Variants in KIAA1210 observed in about 807,000 individuals in gnomAD.
KIAA1210 encodes KIAA1210, also known as acrosomal protein KIAA1210.
Under a neutral mutation model 78.9 loss-of-function variants are expected in KIAA1210, and 48 were observed. The observed-to-expected ratio is 0.61, with a 90% CI of 0.48 to 0.77. The LOEUF is 0.77. Among genes scored for constraint, KIAA1210 ranks in the 30% least tolerant of loss-of-function variants. The pLI, the probability that KIAA1210 is intolerant of heterozygous loss-of-function variation, is 0.00. For synonymous variants in KIAA1210, 406 were observed against 404.5 expected (o/e 1.00, Z -0.04); for missense variants, 1,108 against 1,100.0 (o/e 1.01, Z -0.10).
In KIAA1210 at chrX:119,085,378, C is replaced by G. The variant is rs1301463217; in HGVS notation, c.4320+5G>C. 1 of 1,207,182 alleles carries G rather than the reference C, an allele frequency of 8.3e-7. No homozygotes were observed. On this transcript the variant is annotated splice_donor_5th_base_variant and intron_variant, in intron 10 of 11. Transcript: ENST00000691062. ...GAGTGTTTTATTGGCTACCCCAGGT[C>G]CTACCTCATATTTAGGCTCCTTAGT...
At chrX:119,117,368 A>AGT (rs140314969) in intron 2 of KIAA1210, among the ~76,000 whole-genome samples, 42,899 of 103,561 alleles carry the variant, frequency 0.41, 6,858 homozygotes, top group East Asian at 0.66. Context: ...TTTTTCAAGG[A>AGT]GTGTGTGTGT....
intron 2 of KIAA1210, chrX:119,147,327 G>A: frequency 1.7e-6 from 1 of 602,054 alleles, no homozygotes; most frequent in Non-Finnish European, 2.6e-6. Context: ...CAATATTTGT[G>A]GCTTCTAATC....
At chrX:119,139,843 C>G (rs1375235928) in intron 2 of KIAA1210, among the ~76,000 whole-genome samples, 1 of 112,028 alleles carries the variant, frequency 8.9e-6, no homozygotes, top group Admixed American at 9.5e-5. Context: ...ATAAACACCT[C>G]TAAGATGTGA....
Position 119,085,447 on chromosome X carries a change from A to G in KIAA1210, c.4256T>C (p.Val1419Ala). ...ATTGCTCTTAGTTTTCAGCTCTTTC[A>G]CAGAAATGTGGGCCTTGAAACTCTT... is the stretch of plus-strand genomic sequence containing the variant. The part of the protein sequence containing the change: ...KQKSFKAHIS[V>A]KELKTKSNAG... The change falls in exon 10 of 12, where the codon GTG becomes GCG. Residue 1419 changes from valine to alanine, a missense_variant. Transcript: ENST00000691062. The G allele has an allele frequency of 8.3e-7, 1 of 1,211,330 alleles. No homozygotes were observed. Among genetic ancestry groups the G allele is most frequent in the Non-Finnish European group, 1.1e-6 (1 of 895,254 alleles).
At chrX:119,090,216 C>T (rs762489860) in intron 8 of KIAA1210, among the ~76,000 whole-genome samples, 35 of 107,497 alleles carry the variant, frequency 3.3e-4, no homozygotes, top group South Asian at 1.3e-3. Flanking sequence ...CGTTCTGTCG[C>T]CCAGGCTGGA....
In KIAA1210 at chrX:119,108,397, T is replaced by C. The variant is rs1569317722; in HGVS notation, c.432A>G (p.Gly144=). Residue 144 remains glycine, a synonymous_variant, in exon 5 of 12, where the codon GGA becomes GGG. Coordinates refer to ENST00000691062, the MANE Select transcript of KIAA1210 (RefSeq NM_001394962.1). ...VPGVVSGAMS[G]AVLQNVPTSA... Reference sequence around the variant, plus strand: ...TTGTAGGCACATTTTGAAGCACAGCTCCTGACATGGCTCCAGACACAACTC... The same window carrying C: ...TTGTAGGCACATTTTGAAGCACAGCCCCTGACATGGCTCCAGACACAACTC... 2 of 1,210,507 alleles carry C rather than the reference T, an allele frequency of 1.7e-6. No individual in the cohort carries two copies. The highest frequency in any genetic ancestry group is 3.0e-5 in the East Asian group (1 of 33,805).
chrX:119,100,634 G>A (rs1927710296), intron 6 of KIAA1210, among the ~76,000 whole-genome samples: 1 of 111,736 alleles, frequency 8.9e-6, no homozygotes, highest in Admixed American at 9.5e-5. Flanking sequence ...ATCACATAGA[G>A]GTGAAGTCTG....
chrX:119,100,225 G>A (rs372046126), intron 6 of KIAA1210, among the ~76,000 whole-genome samples: 1 of 108,756 alleles, frequency 9.2e-6, no homozygotes, highest in African/African-American at 3.4e-5. Context: ...AGCTACTCGG[G>A]GGACTGAGGC....
intron 4 of KIAA1210, among the ~76,000 whole-genome samples, 190 bp from the exon 5 acceptor site, chrX:119,108,661 T>A (rs1278919058): frequency 1.8e-5 from 2 of 109,657 alleles, no homozygotes; most frequent in African/African-American, 6.7e-5. Context: ...GCCCAGGAGT[T>A]TGAGACCAGC....
intron 2 of KIAA1210, among the ~76,000 whole-genome samples, chrX:119,134,464 A>T (rs980793321): frequency 1.8e-5 from 2 of 112,468 alleles, no homozygotes. Flanking sequence ...CGGCAAAGTC[A>T]ACCCTCCAAA....
intron 1 of KIAA1210, among the ~76,000 whole-genome samples, chrX:119,124,455 A>G (rs1197788665): frequency 1.8e-5 from 2 of 112,594 alleles, no homozygotes; most frequent in Non-Finnish European, 3.7e-5. Flanking sequence ...GACAAATGCA[A>G]AAAACCTGAT....
chrX:119,093,391 T>C (rs1927450079), intron 8 of KIAA1210, among the ~76,000 whole-genome samples: 1 of 112,179 alleles, frequency 8.9e-6, no homozygotes, highest in African/African-American at 3.2e-5. Flanking sequence ...TGAAACAAAT[T>C]CACAAACAAA....
rs61691431 is a variant in KIAA1210, at chrX:119,110,919, CTT to C, written c.231-1719_231-1718del. On this transcript the variant is annotated intron_variant, in intron 3 of 11. Coordinates refer to ENST00000691062, the MANE Select transcript of KIAA1210 (RefSeq NM_001394962.1). ...CAATAGCTATTGAATTTCATGCTGG[CTT>C]TTTTTTTTTTTCCAGAAAATTGATC... Among the ~76,000 whole-genome samples, 303 of 99,839 alleles carry C rather than the reference CTT, an allele frequency of 3.0e-3. 2 individuals are homozygous for C. Among genetic ancestry groups the C allele is most frequent in the African/African-American group, 0.01 (283 of 27,861 alleles). The allele number at this position is 99,839 out of a possible 115,157, so 86.7% of individuals were successfully genotyped here. A position where few individuals can be genotyped will look rare whatever the true frequency, so the allele number is the denominator to read the frequency against.
chrX:119,088,727 T>G lies in KIAA1210; in HGVS notation c.1975A>C (p.Arg659=). The change falls in exon 9 of 12, where the codon AGA becomes CGA. Residue 659 remains arginine, a synonymous_variant. Transcript: ENST00000691062. ...LSSSEEELDL[R]CLSQALEEPE... is the part of the protein sequence containing the mutation. ...TCCTCTAAAGCCTGGGAGAGGCATCTGAGGTCCAGCTCCTCCTCAGAGCTG... is the reference window on the plus strand; with the variant it reads ...TCCTCTAAAGCCTGGGAGAGGCATCGGAGGTCCAGCTCCTCCTCAGAGCTG... 8.3e-7 allele frequency: 1 copy of G among 1,211,090 alleles called. No homozygotes were observed. Among genetic ancestry groups the G allele is most frequent in the Non-Finnish European group, 1.1e-6 (1 of 895,240 alleles).
intron 2 of KIAA1210, among the ~76,000 whole-genome samples, chrX:119,142,377 T>C (rs1929067245): frequency 8.9e-6 from 1 of 112,099 alleles, no homozygotes. Context: ...ATTCGGCTTA[T>C]CATTCTGCAG....
chrX:119,146,405 T>C (rs1296453499), intron 2 of KIAA1210, among the ~76,000 whole-genome samples: 7 of 111,924 alleles, frequency 6.3e-5, no homozygotes, highest in Non-Finnish European at 1.3e-4. Flanking sequence ...TAATATACTT[T>C]TCCAGATTGT....
At chrX:119,085,631 C>G (rs372425189) in intron 9 of KIAA1210, 85 bp from the exon 10 acceptor site, 3 of 842,426 alleles carry the variant, frequency 3.6e-6, no homozygotes. Context: ...AATAATATCC[C>G]AAATGGGACC....
intron 10 of KIAA1210, 105 bp downstream of exon 10, chrX:119,085,278 C>T: frequency 1.3e-6 from 1 of 744,846 alleles, no homozygotes; most frequent in Non-Finnish European, 2.0e-6. Flanking sequence ...GATTAATGTT[C>T]CCAAAGAGAG....
intron 2 of KIAA1210, among the ~76,000 whole-genome samples, chrX:119,142,918 T>A (rs1265644348): frequency 9.0e-6 from 1 of 110,792 alleles, no homozygotes; most frequent in Non-Finnish European, 1.9e-5. Context: ...GCGGGATCCA[T>A]TCCCATGACC....
Sources: allele counts gnomAD v4.1 joint callset (sites outside exome capture counted in the v4.1 genomes callset), GRCh38; gene constraint gnomAD v4.1.1; transcripts MANE v1.5; gene names NCBI Gene and HGNC (gene_info 2026-07-23, HGNC 2026-07-21).